The following SULT6B1 variants were observed in gnomAD, a reference collection of about 807,000 sequenced individuals.
SULT6B1 encodes sulfotransferase 6B1.
In SULT6B1, 44 loss-of-function variants were observed where a neutral mutation model predicts 37.2. The ratio of observed to expected loss-of-function variants is 1.18; its 90% CI spans 0.93 to 1.52. The LOEUF is 1.52. Ranked by LOEUF, SULT6B1 falls within the 40% of genes most tolerant of loss-of-function variation. SULT6B1 has a pLI of 0.00. For missense variants in SULT6B1, 450 were observed against 361.0 expected, an observed-to-expected ratio of 1.25 and a Z score of -2.00; for synonymous variants, 140 against 126.0, an observed-to-expected ratio of 1.11 and a Z score of -0.74.
At chr2:37,194,021 T>C (rs577270989) in intron 1 of SULT6B1, among the ~76,000 whole-genome samples, 1 of 152,362 alleles carries the variant, frequency 6.6e-6, no homozygotes, top group South Asian at 2.1e-4. Context: ...TTAGTTTATA[T>C]ATATTTTCCT....
intron 3 of SULT6B1, 60 bp downstream of exon 3, chr2:37,183,365 C>A: frequency 7.4e-7 from 1 of 1,342,756 alleles, no homozygotes; most frequent in Non-Finnish European, 1.0e-6. Flanking sequence ...GATCTACTTC[C>A]AAAAACTAAT....
At position 37,187,176 on chromosome 2, in the gene SULT6B1, A is replaced by G. The variant is rs72874088; in HGVS notation, c.312+179T>C. ...TTTCTATCTTTTGTGAAATGGTAAT[A>G]AGGTTATTTTGCAGAAAATGAGATG... On this transcript the variant is annotated intron_variant, in intron 2 of 6. Coordinates refer to ENST00000535679, the MANE Select transcript of SULT6B1 (RefSeq NM_001367551.1). 8.4e-3 allele frequency among the ~76,000 whole-genome samples: 1,282 copies of G among 152,316 alleles called. 20 individuals are homozygous for G. Among genetic ancestry groups the G allele is most frequent in the African/African-American group, 0.029 (1,204 of 41,566 alleles).
At chr2:37,171,656 C>A (rs1401514044) in intron 5 of SULT6B1, 66 bp from the exon 6 acceptor site, 4 of 1,507,904 alleles carry the variant, frequency 2.7e-6, no homozygotes, top group East Asian at 2.3e-5. Context: ...CTGAGACAGA[C>A]TTTTTAGTCA....
At chr2:37,189,619 T>A (rs905386659), upstream of SULT6B1, among the ~76,000 whole-genome samples, 5 of 152,220 alleles carry the variant, frequency 3.3e-5, no homozygotes, top group African/African-American at 1.2e-4. Context: ...GCTGTACACA[T>A]GCCCATCTGA....
chr2:37,179,417 A>C, intron 4 of SULT6B1, 41 bp downstream of exon 4: 1 of 1,609,320 alleles, frequency 6.2e-7, no homozygotes, highest in Non-Finnish European at 8.5e-7. Context: ...TTATGTGGTC[A>C]TCTGATCAAG....
upstream of SULT6B1, among the ~76,000 whole-genome samples, chr2:37,193,588 GAAGAAGAAA>G (rs1438359971): frequency 0.018 from 2,250 of 127,354 alleles, 25 homozygotes; most frequent in East Asian, 0.045. Flanking sequence ...AGAAAAAGAA[GAAGAAGAAA>G]AAGAAGAAGA....
upstream of SULT6B1, among the ~76,000 whole-genome samples, chr2:37,190,867 G>A (rs1013218686): frequency 3.3e-5 from 5 of 152,012 alleles, no homozygotes; most frequent in South Asian, 2.1e-4. Flanking sequence ...AAATGTTTGC[G>A]ACTCCCCCTA....
At chr2:37,181,995 G>T (rs1676561195) in intron 3 of SULT6B1, among the ~76,000 whole-genome samples, 1 of 152,114 alleles carries the variant, frequency 6.6e-6, no homozygotes, top group Admixed American at 6.6e-5. Flanking sequence ...AACACTCAAT[G>T]GGAATTAGCA....
chr2:37,179,649 G>A (rs1271965213), intron 3 of SULT6B1, 65 bp from the exon 4 acceptor site: 4 of 1,432,246 alleles, frequency 2.8e-6, no homozygotes. Flanking sequence ...AATTAAAAGG[G>A]TGAGCAATAT....
chr2:37,193,948 C>T (rs1676839435), intron 1 of SULT6B1, among the ~76,000 whole-genome samples: 2 of 152,192 alleles, frequency 1.3e-5, no homozygotes, highest in South Asian at 2.1e-4. Context: ...ACTTTTCCTG[C>T]TCCAAACCTT....
intron 4 of SULT6B1, among the ~76,000 whole-genome samples, chr2:37,176,706 C>T (rs1251732503): frequency 6.6e-6 from 1 of 152,088 alleles, no homozygotes; most frequent in Non-Finnish European, 1.5e-5. Context: ...TCTAATACAT[C>T]CTCTTTCTTG....
chr2:37,195,075 G>A (rs1446022921), intron 1 of SULT6B1, among the ~76,000 whole-genome samples: 3 of 151,772 alleles, frequency 2.0e-5, no homozygotes, highest in Admixed American at 6.6e-5. Flanking sequence ...TTAGATTTCC[G>A]AATAGCTGGG....
intron 2 of SULT6B1, among the ~76,000 whole-genome samples, chr2:37,185,495 T>A (rs1481330922): frequency 6.6e-6 from 1 of 151,976 alleles, no homozygotes; most frequent in East Asian, 1.9e-4. Context: ...GGAGGGTGGA[T>A]CACTTGAGGT....
chr2:37,183,433 T>C lies in SULT6B1; in HGVS notation c.394A>G (p.Lys132Glu). 6.2e-7 allele frequency: 1 copy of C among 1,613,742 alleles called. No individual in the cohort carries two copies. Among genetic ancestry groups the C allele is most frequent in the Non-Finnish European group, 8.5e-7 (1 of 1,179,606 alleles). Residue 132 changes from lysine to glutamate, a missense_variant, in exon 3 of 7, where the codon AAA becomes GAA. By Grantham distance (56) the Lys-to-Glu change is moderately conservative. Coordinates refer to ENST00000535679, the MANE Select transcript of SULT6B1 (RefSeq NM_001367551.1). ...TAGGAAAGGACACTCACCTTGGCTTTATTCTCGAAGATAGACCCAGGTAAT... is the reference window on the plus strand; with the variant it reads ...TAGGAAAGGACACTCACCTTGGCTTCATTCTCGAAGATAGACCCAGGTAAT... ...DKLPGSIFEN[K>E]AKILVIFRNP...
At chr2:37,183,971 T>C (rs1676615558) in intron 2 of SULT6B1, among the ~76,000 whole-genome samples, 1 of 152,240 alleles carries the variant, frequency 6.6e-6, no homozygotes, top group Non-Finnish European at 1.5e-5. Flanking sequence ...GTTTTCTTAC[T>C]TTGTGGAGAT....
Position 37,171,507 on chromosome 2 carries a change from C to G in SULT6B1, c.708G>C (p.Gln236His). The G allele has an allele frequency of 6.2e-7, 1 of 1,614,150 alleles. No individual in the cohort carries two copies. The highest frequency in any genetic ancestry group is 1.1e-5 in the South Asian group (1 of 91,068). The change falls in exon 6 of 7, where the codon CAG becomes CAC. Residue 236 changes from glutamine to histidine, a missense_variant. Gln to His is a conservative substitution (Grantham distance 24). Coordinates refer to ENST00000535679, the MANE Select transcript of SULT6B1 (RefSeq NM_001367551.1). The part of the protein sequence containing the change: ...TGEQIQTISV[Q>H]STFQAMRAKS... The stretch of plus-strand genomic sequence containing the variant: ...TCGCACGCATGGCTTGGAAGGTGCT[C>G]TGGACTGAGATAGTTTGAATTTGCT...
chr2:37,183,234 G>T (rs779277869), intron 3 of SULT6B1, among the ~76,000 whole-genome samples, 191 bp downstream of exon 3: 2 of 152,038 alleles, frequency 1.3e-5, no homozygotes, highest in Non-Finnish European at 2.9e-5. Flanking sequence ...TTATTTCCTT[G>T]TTGAAAATGC....
chr2:37,196,039 GGAT>G (rs1370619341), intron 1 of SULT6B1: 1 of 152,186 alleles, frequency 6.6e-6, no homozygotes, highest in Non-Finnish European at 1.5e-5. Context: ...GTGTTAGCCA[GGAT>G]GGTCTCGGTC....
Position 37,167,855 on chromosome 2 carries a change from T to C in SULT6B1, c.*80A>G. 4 of 1,219,960 alleles carry C rather than the reference T, an allele frequency of 3.3e-6. No individual in the cohort carries two copies. Among genetic ancestry groups the C allele is most frequent in the Non-Finnish European group, 4.4e-6 (4 of 903,264 alleles). The allele number at this position is 1,219,960 out of a possible 1,614,324, so 75.6% of individuals were successfully genotyped here. A position where few individuals can be genotyped will look rare whatever the true frequency, so the allele number is the denominator to read the frequency against. On this transcript the variant is annotated 3_prime_UTR_variant, in exon 7 of 7. Transcript: ENST00000535679. ...ATATTGTTTAATTATTATTTGATTA[T>C]TTGATTGAATTATCATTTAATTATT...
Sources: gnomAD v4.1 joint callset for allele counts (sites outside exome capture counted in the v4.1 genomes callset) on GRCh38, gnomAD v4.1.1 for gene constraint, MANE v1.5 for transcripts, NCBI Gene and HGNC (gene_info 2026-07-23, HGNC 2026-07-21) for gene names.